The following FAM107B variants were observed in gnomAD, a reference collection of about 807,000 sequenced individuals.
FAM107B encodes family with sequence similarity 107 member B.
A neutral mutation model predicts 31.5 loss-of-function variants in FAM107B; 21 were observed. The ratio of observed to expected loss-of-function variants is 0.67; its 90% CI spans 0.47 to 0.96. The LOEUF (loss-of-function observed/expected upper bound fraction) is 0.96, where lower values mean the gene tolerates loss of function less well. FAM107B is among the 40% of genes least tolerant of loss of function. FAM107B has a pLI of 0.00. For missense variants in FAM107B, 452 were observed against 377.1 expected (o/e 1.20, Z -1.64); for synonymous variants, 157 against 141.5 (o/e 1.11, Z -0.78).
Position 14,573,537 on chromosome 10 carries a change from G to A in FAM107B, c.470-43022C>T, listed in dbSNP as rs1027930027. 4.5e-5 allele frequency among the ~76,000 whole-genome samples: 6 copies of A among 132,732 alleles called. No individual in the cohort carries two copies. The East Asian group carries it at 1.3e-3, about 29-fold the overall frequency. 87.1% of individuals were successfully genotyped at this position (132,732 alleles called of 152,430 possible). ...AGGTCAGGAGCTCAAGATCAGCCTA[G>A]ACAACCAACATGGTGAAACCCCATC... On this transcript the variant is annotated intron_variant, in intron 2 of 4. Coordinates refer to ENST00000181796, the MANE Select transcript of FAM107B (RefSeq NM_031453.4).
intron 2 of FAM107B, among the ~76,000 whole-genome samples, chr10:14,655,633 C>A (rs1854030172): frequency 6.6e-6 from 1 of 152,140 alleles, no homozygotes; most frequent in Admixed American, 6.5e-5. Context: ...TTCAGGTTCC[C>A]TTAGAAGTAG....
At chr10:14,628,112 G>GTTTGTTTTTTTTT (rs1853214089) in intron 2 of FAM107B, among the ~76,000 whole-genome samples, 1 of 92,676 alleles carries the variant, frequency 1.1e-5, no homozygotes, top group East Asian at 4.4e-4. Flanking sequence ...TGTTTTGCTG[G>GTTTGTTTTTTTTT]TTTTTTTTTT....
In FAM107B at chr10:14,774,341, A is replaced by T. The variant is rs771384710; in HGVS notation, c.323T>A (p.Val108Glu). 1.2e-5 allele frequency: 20 copies of T among 1,614,112 alleles called. No homozygotes were observed. Among genetic ancestry groups the T allele is most frequent in the Admixed American group, 1.0e-4 (6 of 60,010 alleles). Reference sequence around the variant, plus strand: ...CGCCCCATCATCCAGGGACCCGGGCACATCTTCAGGCGTCTCCGCGGGCTG... The same window carrying T: ...CGCCCCATCATCCAGGGACCCGGGCTCATCTTCAGGCGTCTCCGCGGGCTG... ...AAQPAETPEDVPGSLDDGADC... is the reference protein window; with the variant it reads ...AAQPAETPEDEPGSLDDGADC... Residue 108 changes from valine to glutamate, a missense_variant, in exon 1 of 5, where the codon GTG becomes GAG. Transcript: ENST00000181796.
chr10:14,741,403 C>T (rs561144020), intron 1 of FAM107B, among the ~76,000 whole-genome samples: 1 of 152,250 alleles, frequency 6.6e-6, no homozygotes, highest in South Asian at 2.1e-4. Context: ...GAGAGGAGCC[C>T]CGTGTTTTAG....
chr10:14,767,182 C>T (rs1200258142), intron 1 of FAM107B, among the ~76,000 whole-genome samples: 1 of 146,758 alleles, frequency 6.8e-6, no homozygotes, highest in African/African-American at 2.5e-5. Context: ...GCAACCTCTG[C>T]CTCCCGGGTT....
At chr10:14,669,604 A>G (rs548010120) in intron 1 of FAM107B, among the ~76,000 whole-genome samples, 31 of 152,338 alleles carry the variant, frequency 2.0e-4, no homozygotes, top group Middle Eastern at 3.4e-3. Context: ...TTGCAGCAAC[A>G]TGGATGAAAC....
chr10:14,573,685 A>G (rs1851369856), intron 2 of FAM107B, among the ~76,000 whole-genome samples: 2 of 152,074 alleles, frequency 1.3e-5, no homozygotes, highest in African/African-American at 4.8e-5. Context: ...CAGAGGTTGC[A>G]GTAAGCTGCA....
At chr10:14,727,150 G>A (rs1284243618) in intron 1 of FAM107B, among the ~76,000 whole-genome samples, 6 of 152,208 alleles carry the variant, frequency 3.9e-5, no homozygotes, top group Admixed American at 6.5e-5. Flanking sequence ...AGGCAGTAAT[G>A]CAAGTAATGG....
chr10:14,540,994 T>C (rs779829240), intron 2 of FAM107B, among the ~76,000 whole-genome samples: 13 of 152,176 alleles, frequency 8.5e-5, no homozygotes, highest in Non-Finnish European at 1.5e-4. Flanking sequence ...ACACACACCA[T>C]TCTTCCACTG....
intron 1 of FAM107B, among the ~76,000 whole-genome samples, chr10:14,753,708 C>G (rs1832873600): frequency 6.6e-6 from 1 of 152,140 alleles, no homozygotes; most frequent in Non-Finnish European, 1.5e-5. Flanking sequence ...CAATTTTTTA[C>G]TTCACATCTG....
intron 2 of FAM107B, among the ~76,000 whole-genome samples, chr10:14,590,034 G>A (rs562314057): frequency 7.9e-5 from 12 of 152,240 alleles, no homozygotes; most frequent in South Asian, 4.1e-4. Context: ...AACACTTAAC[G>A]TACTAATGGT....
chr10:14,752,599 G>A (rs1832852154), intron 1 of FAM107B, among the ~76,000 whole-genome samples: 1 of 152,130 alleles, frequency 6.6e-6, no homozygotes, highest in African/African-American at 2.4e-5. Context: ...CTCTGTGTGG[G>A]AAAGAATCTG....
chr10:14,637,967 C>T (rs74437594), intron 2 of FAM107B, among the ~76,000 whole-genome samples: 5,878 of 152,248 alleles, frequency 0.039, 179 homozygotes, highest in East Asian at 0.13. Flanking sequence ...AACCTAGCCA[C>T]GCCATGCTTA....
chr10:14,549,104 G>A (rs1849016451), intron 2 of FAM107B, among the ~76,000 whole-genome samples: 1 of 152,206 alleles, frequency 6.6e-6, no homozygotes, highest in African/African-American at 2.4e-5. Context: ...CTGCAAGCCA[G>A]GAACCCAATC....
At chr10:14,651,126 C>A (rs1188229953) in intron 2 of FAM107B, among the ~76,000 whole-genome samples, 3 of 152,164 alleles carry the variant, frequency 2.0e-5, no homozygotes, top group Non-Finnish European at 2.9e-5. Flanking sequence ...TCTGGGGGAA[C>A]CAAATTAAGA....
intron 3 of FAM107B, among the ~76,000 whole-genome samples, chr10:14,528,781 C>T (rs1846613991): frequency 6.6e-6 from 1 of 152,212 alleles, no homozygotes; most frequent in Non-Finnish European, 1.5e-5. Context: ...ACAGACTCAA[C>T]TGCACAAATC....
intron 1 of FAM107B, among the ~76,000 whole-genome samples, chr10:14,669,969 A>C (rs1248642914): frequency 1.3e-5 from 2 of 152,220 alleles, no homozygotes; most frequent in African/African-American, 4.8e-5. Context: ...ATACTTGCAT[A>C]ATGGATATCC....
At chr10:14,767,024 G>GTGTATATATATATATATATATA (rs1219301209) in intron 1 of FAM107B, among the ~76,000 whole-genome samples, 1 of 16,234 alleles carries the variant, frequency 6.2e-5, no homozygotes, top group Non-Finnish European at 2.3e-4. Context: ...TGATGTGTAT[G>GTGTATATATATATATATATATA]TATATATATA....
chr10:14,623,135 C>G (rs1468194035), intron 2 of FAM107B, among the ~76,000 whole-genome samples: 1 of 152,194 alleles, frequency 6.6e-6, no homozygotes, highest in Non-Finnish European at 1.5e-5. Flanking sequence ...TTATCACAAC[C>G]CTCTTTCTTT....
Sources: gnomAD v4.1 joint callset for allele counts (sites outside exome capture counted in the v4.1 genomes callset) on GRCh38, gnomAD v4.1.1 for gene constraint, MANE v1.5 for transcripts, NCBI Gene and HGNC (gene_info 2026-07-23, HGNC 2026-07-21) for gene names.